NDUFS6: variants seen among roughly 807,000 people sequenced by gnomAD.
NDUFS6 encodes the protein NADH:ubiquinone oxidoreductase subunit S6.
A neutral mutation model predicts 13.2 loss-of-function variants in NDUFS6; 14 were observed. The observed-to-expected ratio is 1.06, with a 90% CI of 0.70 to 1.66. The LOEUF (loss-of-function observed/expected upper bound fraction) is 1.66, where lower values mean the gene tolerates loss of function less well. NDUFS6 is among the 40% of genes most tolerant of loss of function. The probability of loss-of-function intolerance (pLI) is 0.00; values close to 1 mark genes in which losing one functional copy is unlikely to be tolerated. For missense variants in NDUFS6, 206 were observed against 170.8 expected (o/e 1.21, Z -1.15); for synonymous variants, 95 against 72.3 (o/e 1.31, Z -1.60).
At chr5:1,801,810 C>T (rs1018473197) in intron 1 of NDUFS6, among the ~76,000 whole-genome samples, 1 of 152,262 alleles carries the variant, frequency 6.6e-6, no homozygotes, top group Non-Finnish European at 1.5e-5. Flanking sequence ...TTGCTGTGGA[C>T]TGGCTGCCCA....
intron 2 of NDUFS6, among the ~76,000 whole-genome samples, chr5:1,808,380 A>C (rs567483512): frequency 6.6e-6 from 1 of 152,334 alleles, no homozygotes; most frequent in South Asian, 2.1e-4. Context: ...TTTTAAAAGA[A>C]ATCTTCTGGA....
chr5:1,811,191 T>C (rs1734214039), intron 2 of NDUFS6, among the ~76,000 whole-genome samples: 1 of 152,266 alleles, frequency 6.6e-6, no homozygotes, highest in Non-Finnish European at 1.5e-5. Flanking sequence ...ATTTATGTTA[T>C]TGGCAAACAT....
chr5:1,807,761 A>T (rs1734149888), intron 2 of NDUFS6, among the ~76,000 whole-genome samples: 1 of 152,216 alleles, frequency 6.6e-6, no homozygotes, highest in African/African-American at 2.4e-5. Context: ...GCGCAGCACC[A>T]CCCGAACCAT....
At chr5:1,813,161 CCT>C (rs1734247618) in intron 2 of NDUFS6, among the ~76,000 whole-genome samples, 1 of 152,152 alleles carries the variant, frequency 6.6e-6, no homozygotes. Flanking sequence ...AGTGAGCTGA[CCT>C]CTCTATTTCC....
chr5:1,807,110 A>ACTCAGAGGTACTGCG (rs1561104666), intron 2 of NDUFS6, among the ~76,000 whole-genome samples: 30 of 62,160 alleles, frequency 4.8e-4, no homozygotes, highest in African/African-American at 9.1e-4. Flanking sequence ...GAAGTACTGT[A>ACTCAGAGGTACTGCG]TGAGGTACTC....
intron 2 of NDUFS6, among the ~76,000 whole-genome samples, chr5:1,807,245 T>G (rs188726081): frequency 1.2e-3 from 164 of 137,130 alleles, no homozygotes; most frequent in Admixed American, 5.3e-3. Context: ...AACAGTCGCT[T>G]CTTAGAGGTA....
intron 2 of NDUFS6, among the ~76,000 whole-genome samples, chr5:1,804,393 C>T (rs73734931): frequency 2.0e-3 from 298 of 152,328 alleles, no homozygotes; most frequent in African/African-American, 6.9e-3. Context: ...TCAGGATTGG[C>T]GAAGCCAGTG....
At chr5:1,815,762 TA>T in intron 3 of NDUFS6, 88 bp from the exon 4 acceptor site, 1 of 1,340,466 alleles carries the variant, frequency 7.5e-7, no homozygotes, top group South Asian at 1.2e-5. Context: ...TCTGACAGTC[TA>T]AGTTTTATAC....
chr5:1,814,350 C>T lies in NDUFS6; in HGVS notation c.198C>T (p.Asn66=), dbSNP rs140887831. 320 of 1,614,090 alleles carry T rather than the reference C, an allele frequency of 2.0e-4. No individual in the cohort carries two copies. The highest frequency in any genetic ancestry group is 1.6e-4 in the Non-Finnish European group (188 of 1,180,060). Residue 66 remains asparagine (N), a synonymous_variant, in exon 3 of 4, where the codon AAC becomes AAT. Coordinates refer to ENST00000274137, the MANE Select transcript of NDUFS6 (RefSeq NM_004553.6). The surrounding 1 kb of genome is among the most constrained non-coding windows in gnomAD (Gnocchi z 4.9). ...TCTTCTTGTTCCAGGTGAATGAAAA[C>T]TTTGCCATTGATTTGATAGCAGAGC... ...FVGRQKEVNE[N]FAIDLIAEQP...
intron 1 of NDUFS6, chr5:1,802,012 G>A (rs527254613): frequency 4.6e-6 from 2 of 437,634 alleles, no homozygotes; most frequent in African/African-American, 4.0e-5. Flanking sequence ...GGATAGTAAA[G>A]CTCTCAGGCC....
chr5:1,811,204 T>G (rs11750565), intron 2 of NDUFS6, among the ~76,000 whole-genome samples: 36,933 of 152,198 alleles, frequency 0.24, 4,568 homozygotes, highest in Admixed American at 0.29. Flanking sequence ...GCAAACATTC[T>G]GGTCAGCATC....
chr5:1,802,346 G>A lies in NDUFS6; in HGVS notation c.158G>A (p.Arg53Lys), dbSNP rs746265921. Residue 53 changes from arginine to lysine, a missense_variant, in exon 2 of 4, where the codon AGA becomes AAA. By Grantham distance (26) the Arg-to-Lys change is conservative. Coordinates refer to ENST00000274137, the MANE Select transcript of NDUFS6 (RefSeq NM_004553.6). ...GQVYDDKDYR[R>K]IRFVGRQKEV... ...GTTTATGATGATAAAGACTACAGGAGAATTCGGTTTGTAGGTCGTCAGAAA... is the reference window on the plus strand; with the variant it reads ...GTTTATGATGATAAAGACTACAGGAAAATTCGGTTTGTAGGTCGTCAGAAA... 2.5e-6 allele frequency: 4 copies of A among 1,614,056 alleles called. No homozygotes were observed. In the South Asian group the frequency reaches 4.4e-5, roughly 18 times the overall value.
At position 1,814,444 on chromosome 5, in the gene NDUFS6, A is replaced by G; in HGVS notation, c.292A>G (p.Lys98Glu). The G allele has an allele frequency of 6.2e-6, 10 of 1,614,152 alleles. No homozygotes were observed. The highest frequency in any genetic ancestry group is 1.3e-5 in the African/African-American group (1 of 75,024). ...DGGGGALGHPKVYINLDKETK... is the reference protein window; with the variant it reads ...DGGGGALGHPEVYINLDKETK... ...CGGCGGGGGAGCTCTTGGCCACCCA[A>G]AAGTGTATATAAACTTGGTGCGTAG... The change falls in exon 3 of 4, where the codon AAA becomes GAA. Residue 98 changes from lysine (K) to glutamate (E), a missense_variant. Lys to Glu is a moderately conservative substitution (Grantham distance 56). Transcript: ENST00000274137. This position sits in a 1 kb window ranked among gnomAD's most constrained non-coding sequence, Gnocchi z 4.9.
At chr5:1,803,963 T>G (rs1384035677) in intron 2 of NDUFS6, among the ~76,000 whole-genome samples, 2 of 152,162 alleles carry the variant, frequency 1.3e-5, no homozygotes, top group Non-Finnish European at 2.9e-5. Context: ...GCGGTATGGT[T>G]TCTTTTAGTG....
intron 2 of NDUFS6, among the ~76,000 whole-genome samples, chr5:1,803,339 A>G (rs1429635401): frequency 1.3e-5 from 2 of 152,202 alleles, no homozygotes; most frequent in Non-Finnish European, 1.5e-5. Flanking sequence ...TTATTTGGCA[A>G]TGCCACTTGA....
In NDUFS6 at chr5:1,805,180, A is replaced by C. The variant is rs778701728; in HGVS notation, c.186+2806A>C. Among the ~76,000 whole-genome samples the C allele has an allele frequency of 2.1e-3, 317 of 152,202 alleles. 4 individuals carry two copies. Among genetic ancestry groups the C allele is most frequent in the Non-Finnish European group, 1.9e-3 (129 of 67,994 alleles). ...ACCCTGTGTCTACAAAAAATATAAAAATTAGCCTAGCATGGTGGCACATGC... is the reference window on the plus strand; with the variant it reads ...ACCCTGTGTCTACAAAAAATATAAACATTAGCCTAGCATGGTGGCACATGC... On this transcript the variant is annotated intron_variant, in intron 2 of 3. Coordinates refer to ENST00000274137, the MANE Select transcript of NDUFS6 (RefSeq NM_004553.6).
At chr5:1,815,250 G>A (rs1186417906) in intron 3 of NDUFS6, among the ~76,000 whole-genome samples, 1 of 151,910 alleles carries the variant, frequency 6.6e-6, no homozygotes, top group Non-Finnish European at 1.5e-5. Flanking sequence ...ATCACTCAGG[G>A]ACTCGGGCGG....
intron 2 of NDUFS6, among the ~76,000 whole-genome samples, chr5:1,811,776 A>G (rs1171509283): frequency 3.3e-5 from 5 of 152,204 alleles, no homozygotes; most frequent in Admixed American, 1.3e-4. Context: ...TCCTGGTGAG[A>G]CTGCTACATA....
chr5:1,813,366 G>C (rs1734249921), intron 2 of NDUFS6, among the ~76,000 whole-genome samples: 1 of 152,188 alleles, frequency 6.6e-6, no homozygotes, highest in Admixed American at 6.5e-5. Context: ...GTCTCAGTCA[G>C]ATTTATAAAA....
Sources: gnomAD v4.1 joint callset for allele counts (sites outside exome capture counted in the v4.1 genomes callset) on GRCh38, gnomAD v4.1.1 for gene constraint, Gnocchi (gnomAD v3.1) non-coding constraint, MANE v1.5 for transcripts, NCBI Gene and HGNC (gene_info 2026-07-23, HGNC 2026-07-21) for gene names.